UBA7: variants seen among roughly 807,000 people sequenced by gnomAD.
UBA7 encodes the protein ubiquitin-like modifier-activating enzyme 7.
A neutral mutation model predicts 113.0 loss-of-function variants in UBA7; 88 were observed. That is an observed-to-expected ratio of 0.78 (90% confidence interval 0.66 to 0.93). The LOEUF (loss-of-function observed/expected upper bound fraction) is 0.93. Among genes scored for constraint, UBA7 ranks in the 40% least tolerant of loss-of-function variants. The pLI is 0.00. For synonymous variants in UBA7, 459 were observed against 513.0 expected, an observed-to-expected ratio of 0.89 and a Z score of 1.42; for missense variants, 1,092 against 1,266.4, an observed-to-expected ratio of 0.86 and a Z score of 2.09.
rs11400401 is a variant in UBA7 at position 49,805,448 on chromosome 3, T to TG, written c.2910-12dup. ...ACCAGTTCTGTCACCCTGGTAGGGG[T>TG]GGGTTTAGGGGAGATTGGAGAGGTG... On this transcript the variant is annotated splice_polypyrimidine_tract_variant and intron_variant, in intron 23 of 23. Transcript: ENST00000333486. The TG allele has an allele frequency of 0.47, 750,471 of 1,611,090 alleles. 179,941 individuals carry two copies. The highest frequency in any genetic ancestry group is 0.55 in the African/African-American group (40,832 of 74,240).
chr3:49,811,129 T>A, intron 9 of UBA7, 38 bp from the exon 10 acceptor site: 1 of 1,609,518 alleles, frequency 6.2e-7, no homozygotes, highest in Non-Finnish European at 8.5e-7. Context: ...TCCTGCCACC[T>A]CCTGACCCCC....
Position 49,809,456 on chromosome 3 carries a change from C to T in UBA7, c.2097G>A (p.Glu699=). The part of the protein sequence containing the change: ...LRHFPPNKVL[E]DGTPFWSGPK... ...GACCTGACCAGAAGGGAGTTCCATC[C>T]TCAAGCACCTAGGTAGGTAAGTAGA... The change falls in exon 17 of 24, where the codon GAG becomes GAA. Residue 699 remains glutamate, a synonymous_variant. Transcript: ENST00000333486. 6.2e-7 allele frequency: 1 copy of T among 1,614,182 alleles called. No individual in the cohort carries two copies. The highest frequency in any genetic ancestry group is 8.5e-7 in the Non-Finnish European group (1 of 1,180,016).
Position 49,808,030 on chromosome 3 carries a change from T to C in UBA7, c.2513A>G (p.Asn838Ser), listed in dbSNP as rs1206622347. 6 of 1,614,024 alleles carry C rather than the reference T, an allele frequency of 3.7e-6. No homozygotes were observed. The African/African-American group carries it at 5.3e-5, about 14-fold the overall frequency. The change falls in exon 20 of 24, where the codon AAC (asparagine) becomes AGC (serine). Residue 838 changes from asparagine (N) to serine (S), a missense_variant. Asn to Ser is a conservative substitution (Grantham distance 46, BLOSUM62 1). This residue lies in a region of UBA7 where 500 missense variants were observed against 529.3 expected (regional missense o/e 0.94). Transcript: ENST00000333486. ...AAGGGGTGGGGTTACCTGGGCACGG[T>C]TGACCGGTGGAATCCCGTAGTTCTG... ...RCQNYGIPPV[N>S]RAQSKRIVGQ...
Position 49,811,037 on chromosome 3 carries a change from C to A in UBA7, c.1177G>T (p.Asp393Tyr), listed in dbSNP as rs201539477. The A allele has an allele frequency of 6.2e-7, 1 of 1,614,070 alleles. No individual in the cohort carries two copies. Among genetic ancestry groups the A allele is most frequent in the Non-Finnish European group, 8.5e-7 (1 of 1,179,994 alleles). Reference sequence around the variant, plus strand: ...AGCTCCCCATCTTCCGGAAGACAATCGAGGGCATCAAAGTAAAGCCACTGG... The same window carrying A: ...AGCTCCCCATCTTCCGGAAGACAATAGAGGGCATCAAAGTAAAGCCACTGG... Reference protein sequence around the residue: ...LDQWLYFDALDCLPEDGELLP... With the variant: ...LDQWLYFDALYCLPEDGELLP... Residue 393 changes from aspartate (D) to tyrosine (Y), a missense_variant, in exon 10 of 24, where the codon GAT becomes TAT. Physicochemically the swap from Asp to Tyr is radical, Grantham distance 160. Coordinates refer to ENST00000333486, the MANE Select transcript of UBA7 (RefSeq NM_003335.3).
In UBA7 at chr3:49,810,969, A is replaced by C. The variant is rs773867386; in HGVS notation, c.1230+15T>G. On this transcript the variant is annotated intron_variant, in intron 10 of 23. Transcript: ENST00000333486. This position sits in a 1 kb window ranked among gnomAD's most constrained non-coding sequence, Gnocchi z 5.6. The stretch of plus-strand genomic sequence containing the variant: ...GATTTTGGACAAGGCTTGCACCCCT[A>C]TCCCAGGCTCTCACCAGGGCACAGT... 2.5e-6 allele frequency: 4 copies of C among 1,613,464 alleles called. No individual in the cohort carries two copies. The African/African-American group carries it at 5.3e-5, about 22-fold the overall frequency.
In UBA7 at chr3:49,805,282, AGCTAGGTGACAG is replaced by A. The variant is rs1353474289; in HGVS notation, c.*14_*25del. On this transcript the variant is annotated 3_prime_UTR_variant, in exon 24 of 24. Coordinates refer to ENST00000333486, the MANE Select transcript of UBA7 (RefSeq NM_003335.3). ...GGGCTTGGGATCCGGGGCTCCATTGAGCTAGGTGACAGGGTGGCTGCCTTGTCACAGCTCATA... is the reference window on the plus strand; with the variant it reads ...GGGCTTGGGATCCGGGGCTCCATTGAGGTGGCTGCCTTGTCACAGCTCATA... 1 of 1,608,264 alleles carries A rather than the reference AGCTAGGTGACAG, an allele frequency of 6.2e-7. No individual in the cohort carries two copies.
intron 14 of UBA7, 49 bp downstream of exon 14, chr3:49,809,929 A>C (rs1465747035): frequency 6.2e-7 from 1 of 1,614,158 alleles, no homozygotes; most frequent in East Asian, 2.2e-5. Context: ...ACAGGTCTGC[A>C]GCTGAGGGCT....
chr3:49,808,572 A>T, intron 18 of UBA7, 104 bp from the exon 19 acceptor site: 1 of 1,219,802 alleles, frequency 8.2e-7, no homozygotes, highest in Middle Eastern at 2.0e-4. Flanking sequence ...GTCACTTACT[A>T]TTCCCTGATC....
At chr3:49,809,207 G>A in intron 17 of UBA7, 48 bp from the exon 18 acceptor site, 3 of 1,572,338 alleles carry the variant, frequency 1.9e-6, no homozygotes, top group Non-Finnish European at 2.6e-6. Flanking sequence ...GCATGGGGTG[G>A]GGGTCACTGT....
chr3:49,812,232 A>G (rs2081560882), intron 6 of UBA7, 26 bp from the exon 7 acceptor site: 1 of 1,613,530 alleles, frequency 6.2e-7, no homozygotes, highest in East Asian at 2.2e-5. Context: ...TCTAGTCAGT[A>G]ATGATCCTTG....
At chr3:49,811,692 G>T in intron 8 of UBA7, 178 bp downstream of exon 8, 1 of 1,193,630 alleles carries the variant, frequency 8.4e-7, no homozygotes. Context: ...CTGAGGGGTC[G>T]GGGTGTAGCA....
chr3:49,805,237 T>A lies in UBA7; in HGVS notation c.*71A>T, dbSNP rs963703403. The stretch of plus-strand genomic sequence containing the variant: ...CTTTAACAAGCATTTATTGAGTGCC[T>A]ACTGTGGGCTTACAATGCAGGGCTT... On this transcript the variant is annotated 3_prime_UTR_variant, in exon 24 of 24. Transcript: ENST00000333486. The A allele has an allele frequency of 9.6e-6, 14 of 1,464,100 alleles. No individual in the cohort carries two copies. Among genetic ancestry groups the A allele is most frequent in the Non-Finnish European group, 1.3e-5 (14 of 1,054,516 alleles). 90.7% of individuals were successfully genotyped at this position (1,464,100 alleles called of 1,614,324 possible).
chr3:49,805,280 T>C lies in UBA7; in HGVS notation c.*28A>G. The C allele has an allele frequency of 2.5e-6, 4 of 1,607,796 alleles. No homozygotes were observed. Among genetic ancestry groups the C allele is most frequent in the Non-Finnish European group, 3.4e-6 (4 of 1,175,110 alleles). On this transcript the variant is annotated 3_prime_UTR_variant, in exon 24 of 24. Transcript: ENST00000333486. ...CAGGGCTTGGGATCCGGGGCTCCAT[T>C]GAGCTAGGTGACAGGGTGGCTGCCT...
chr3:49,811,646 G>T, intron 8 of UBA7, 191 bp from the exon 9 acceptor site: 2 of 1,105,976 alleles, frequency 1.8e-6, no homozygotes, highest in Non-Finnish European at 2.5e-6. Context: ...CAGTCCAGGA[G>T]GCTTCACTAA....
At chr3:49,811,772 A>C (rs2081551384) in intron 8 of UBA7, 98 bp downstream of exon 8, 11 of 1,560,192 alleles carry the variant, frequency 7.1e-6, no homozygotes, top group Non-Finnish European at 7.8e-6. Flanking sequence ...CAGTGTTGGG[A>C]GATCAGACTT....
intron 6 of UBA7, 65 bp from the exon 7 acceptor site, chr3:49,812,271 A>T (rs1355320435): frequency 6.2e-7 from 1 of 1,610,882 alleles, no homozygotes; most frequent in African/African-American, 1.3e-5. Context: ...ACCCCATCCT[A>T]TCTTGCATCT....
Position 49,807,892 on chromosome 3 carries a change from A to T in UBA7, c.2559T>A (p.Ile853=). 1 of 1,613,082 alleles carries T rather than the reference A, an allele frequency of 6.2e-7. No individual in the cohort carries two copies. Among genetic ancestry groups the T allele is most frequent in the Admixed American group, 1.7e-5 (1 of 59,960 alleles). ...KRIVGQIIPA[I]ATTTAAVAGL... is the part of the protein sequence containing the mutation. ...CTGCCACAGCTGCTGTAGTGGTGGCAATGGCTGGGATAATCTGGCCCACAA... is the reference window on the plus strand; with the variant it reads ...CTGCCACAGCTGCTGTAGTGGTGGCTATGGCTGGGATAATCTGGCCCACAA... The change falls in exon 21 of 24, where the codon ATT becomes ATA. Residue 853 remains isoleucine, a synonymous_variant. Coordinates refer to ENST00000333486, the MANE Select transcript of UBA7 (RefSeq NM_003335.3). The surrounding 1 kb of genome is among the most constrained non-coding windows in gnomAD (Gnocchi z 4.0).
rs991636639 is a variant in UBA7, at chr3:49,812,678, G to A, written c.528C>T (p.Pro176=). ...AGATGTGCTGGATGGCAGCTGTCAG[G>A]GGTTCTGCCTCTGTGGGGTCCTGCA... is the stretch of plus-strand genomic sequence containing the variant. ...FTVQDPTEAE[P]LTAAIQHISQ... Residue 176 remains proline (P), a synonymous_variant, in exon 5 of 24, where the codon CCC becomes CCT. Transcript: ENST00000333486. 3 of 1,614,058 alleles carry A rather than the reference G, an allele frequency of 1.9e-6. No individual in the cohort carries two copies. The highest frequency in any genetic ancestry group is 2.5e-6 in the Non-Finnish European group (3 of 1,180,046).
chr3:49,813,764 C>T lies in UBA7; in HGVS notation c.24G>A (p.Lys8=), dbSNP rs1286626026. The change falls in exon 1 of 24, where the codon AAG becomes AAA. Residue 8 remains lysine (K), a synonymous_variant. Coordinates refer to ENST00000333486, the MANE Select transcript of UBA7 (RefSeq NM_003335.3). MDALDAS[K]LLDEELYSRQ... is the part of the protein sequence containing the mutation. ...TTGAATACAGCTCCTCATCCAGTAG[C>T]TTCGAAGCGTCCAGGGCATCCATCC... The T allele has an allele frequency of 2.5e-6, 4 of 1,614,114 alleles. No homozygotes were observed. The highest frequency in any genetic ancestry group is 1.1e-5 in the South Asian group (1 of 91,090).
Sources: allele counts gnomAD v4.1 joint callset, GRCh38; gene constraint gnomAD v4.1.1; regional missense constraint gnomAD v4.1.1; non-coding constraint Gnocchi (gnomAD v3.1); transcripts MANE v1.5; gene names NCBI Gene and HGNC (gene_info 2026-07-23, HGNC 2026-07-21).